Variants in LRRC4B observed in about 807,000 individuals in gnomAD.
LRRC4B encodes the protein leucine rich repeat containing 4B, also known as leucine-rich repeat-containing protein 4B.
LRRC4B carries 1 observed loss-of-function variant against 7.3 expected under a neutral mutation model. The ratio of observed to expected loss-of-function variants is 0.14; its 90% CI spans 0.05 to 0.65. LRRC4B has a LOEUF of 0.65. Ranked by LOEUF, LRRC4B falls within the 30% of genes least tolerant of loss-of-function variation. The pLI, the probability that LRRC4B is intolerant of heterozygous loss-of-function variation, is 0.84. For synonymous variants in LRRC4B, 500 were observed against 499.2 expected, an observed-to-expected ratio of 1.00 and a Z score of -0.02; for missense variants, 730 against 1,041.6, an observed-to-expected ratio of 0.70 and a Z score of 4.12.
chr19:50,547,255 G>A (rs937759852), intron 2 of LRRC4B, among the ~76,000 whole-genome samples: 1 of 152,162 alleles, frequency 6.6e-6, no homozygotes, highest in African/African-American at 2.4e-5. Flanking sequence ...GTGGTGATGT[G>A]ACGACGCCCC....
intron 1 of LRRC4B, chr19:50,557,905 G>A (rs1294030197): frequency 6.6e-6 from 1 of 152,110 alleles, no homozygotes; most frequent in Admixed American, 6.5e-5. Flanking sequence ...ACAATCAGGG[G>A]AGCCCGTTAC....
At chr19:50,551,833 A>G (rs531306106) in intron 1 of LRRC4B, among the ~76,000 whole-genome samples, 1 of 151,504 alleles carries the variant, frequency 6.6e-6, no homozygotes, top group South Asian at 2.1e-4. Flanking sequence ...ACGGCAGTGC[A>G]GAGCCAAGCT....
rs1481316240 is a variant in LRRC4B at position 50,553,253 on chromosome 19, A to G, written c.-35-4380T>C. Among the ~76,000 whole-genome samples the G allele has an allele frequency of 2.0e-5, 3 of 151,228 alleles. No homozygotes were observed. Among genetic ancestry groups the G allele is most frequent in the Non-Finnish European group, 4.4e-5 (3 of 67,836 alleles). ...CACCCCCACTCCCCGTGCGTTCCCC[A>G]CGGGCAGCGAGGGGTATCCTGTCAA... On this transcript the variant is annotated intron_variant, in intron 1 of 2. Coordinates refer to ENST00000652263, the MANE Select transcript of LRRC4B (RefSeq NM_001080457.2). This position sits in a 1 kb window ranked among gnomAD's most constrained non-coding sequence, Gnocchi z 4.2.
In LRRC4B at chr19:50,564,552, T is replaced by A. The variant is rs10415612; in HGVS notation, c.-36+3392A>T. Among the ~76,000 whole-genome samples the A allele has an allele frequency of 9.5e-3, 1,438 of 150,784 alleles. 25 individuals carry two copies. Among genetic ancestry groups the A allele is most frequent in the African/African-American group, 0.034 (1,382 of 41,012 alleles). On this transcript the variant is annotated intron_variant, in intron 1 of 2. Transcript: ENST00000652263. ...GGAGAGGGAAAGACTGATGAATGAG[T>A]CCACAGACTAGACGGATGGGCCAGG...
At position 50,518,298 on chromosome 19, in the gene LRRC4B, C is replaced by T; in HGVS notation, c.1415G>A (p.Gly472Glu). The part of the protein sequence containing the change: ...GGTGSGGGGP[G>E]GSGGVGGGSG... ...GCCCCCTCCAACACCACCACTGCCC[C>T]CAGGGCCGCCCCCGCCGCTGCCGGT... The change falls in exon 3 of 3, where the codon GGG (glycine) becomes GAG (glutamate). Residue 472 changes from glycine to glutamate, a missense_variant. Gly to Glu is a moderately conservative substitution (Grantham distance 98). Around this residue, in one of 6 missense-constraint regions of LRRC4B, gnomAD observed 192 missense variants for 228.6 expected, o/e 0.84. Transcript: ENST00000652263. 5 of 1,600,784 alleles carry T rather than the reference C, an allele frequency of 3.1e-6. No homozygotes were observed. The highest frequency in any genetic ancestry group is 4.3e-6 in the Non-Finnish European group (5 of 1,174,198).
At position 50,518,162 on chromosome 19, in the gene LRRC4B, C is replaced by T; in HGVS notation, c.1551G>A (p.Thr517=). ...GGCCCCCACCCCAGACACCGTCTGT[C>T]GTGGGCCCTGGCGGTTCCTTCTCCG... ...RGTEKEPPGP[T]TDGVWGGGRP... The change falls in exon 3 of 3, where the codon ACG becomes ACA. Residue 517 remains threonine (T), a synonymous_variant. Coordinates refer to ENST00000652263, the MANE Select transcript of LRRC4B (RefSeq NM_001080457.2). The T allele has an allele frequency of 6.2e-6, 10 of 1,606,590 alleles. No homozygotes were observed. Among genetic ancestry groups the T allele is most frequent in the Non-Finnish European group, 8.5e-6 (10 of 1,178,440 alleles).
chr19:50,565,816 G>A (rs1982610871), intron 1 of LRRC4B, among the ~76,000 whole-genome samples: 1 of 150,738 alleles, frequency 6.6e-6, no homozygotes, highest in African/African-American at 2.4e-5. Flanking sequence ...CTGGGTGGGA[G>A]TGGCGTGTGT....
intron 2 of LRRC4B, among the ~76,000 whole-genome samples, chr19:50,543,335 G>GGTGTGTGGGTGT (rs1981638538): frequency 6.9e-6 from 1 of 145,194 alleles, no homozygotes; most frequent in African/African-American, 2.6e-5. Context: ...GCCAGGCCCT[G>GGTGTGTGGGTGT]GTGTGTGTGT....
At chr19:50,564,198 C>T (rs1048893978) in intron 1 of LRRC4B, among the ~76,000 whole-genome samples, 1 of 152,120 alleles carries the variant, frequency 6.6e-6, no homozygotes, top group East Asian at 1.9e-4. Flanking sequence ...CACAGTTATC[C>T]AGGGGGAAGA....
intron 2 of LRRC4B, among the ~76,000 whole-genome samples, chr19:50,538,559 G>GTTT (rs71886675): frequency 1.2e-4 from 11 of 90,324 alleles, no homozygotes; most frequent in East Asian, 3.7e-4. Context: ...GTTTTGTCTT[G>GTTT]TTTTTTTTTT....
At chr19:50,565,252 G>A (rs957754797) in intron 1 of LRRC4B, among the ~76,000 whole-genome samples, 6 of 152,212 alleles carry the variant, frequency 3.9e-5, no homozygotes, top group Non-Finnish European at 8.8e-5. Context: ...TAGCTCTGGG[G>A]CCACCTCCGT....
rs138150493 is a variant in LRRC4B, at chr19:50,540,473, C to T, written c.297+8069G>A. On this transcript the variant is annotated intron_variant, in intron 2 of 2. Transcript: ENST00000652263. ...CGCCTCTCGGGTTCAAGTGATTCTC[C>T]TGCCTCCTGAGTATCTGGGATTACA... Among the ~76,000 whole-genome samples, 1,412 of 152,238 alleles carry T rather than the reference C, an allele frequency of 9.3e-3. 30 individuals are homozygous for T. Among genetic ancestry groups the T allele is most frequent in the African/African-American group, 0.032 (1,319 of 41,520 alleles).
Position 50,517,256 on chromosome 19 carries a change from C to A in LRRC4B, c.*315G>T. On this transcript the variant is annotated 3_prime_UTR_variant, in exon 3 of 3. Coordinates refer to ENST00000652263, the MANE Select transcript of LRRC4B (RefSeq NM_001080457.2). This position sits in a 1 kb window ranked among gnomAD's most constrained non-coding sequence, Gnocchi z 6.6. ...CTCTCTCCCCTGGAAGGCGGCGGGC[C>A]CGGAACGCTTGGTGGGAGAGCGAGG... 1 of 231,382 alleles carries A rather than the reference C, an allele frequency of 4.3e-6. No individual in the cohort carries two copies. The highest frequency in any genetic ancestry group is 2.2e-5 in the African/African-American group (1 of 44,458). 14.3% of individuals were successfully genotyped at this position (231,382 alleles called of 1,614,324 possible). A position where few individuals can be genotyped will look rare whatever the true frequency, so the allele number is the denominator to read the frequency against.
At chr19:50,547,472 C>A (rs1348235668) in intron 2 of LRRC4B, among the ~76,000 whole-genome samples, 1 of 151,872 alleles carries the variant, frequency 6.6e-6, no homozygotes, top group Non-Finnish European at 1.5e-5. Flanking sequence ...AAGATTAGAT[C>A]TGGAGGGGCT....
rs1366248860 is a variant in LRRC4B, at chr19:50,548,809, G to C, written c.30C>G (p.Pro10=). The C allele has an allele frequency of 6.6e-7, 1 of 1,507,036 alleles. No individual in the cohort carries two copies. Among genetic ancestry groups the C allele is most frequent in the Non-Finnish European group, 8.8e-7 (1 of 1,132,732 alleles). The allele number at this position is 1,507,036 out of a possible 1,614,324, so 93.4% of individuals were successfully genotyped here. A position where few individuals can be genotyped will look rare whatever the true frequency, so the allele number is the denominator to read the frequency against. The change falls in exon 2 of 3, where the codon CCC becomes CCG. Residue 10 remains proline, a synonymous_variant. Transcript: ENST00000652263. The surrounding 1 kb of genome is among the most constrained non-coding windows in gnomAD (Gnocchi z 6.8). MARARGSPC[P]PLPPGRMSWP... ...AGGACATCCTACCGGGCGGCAGCGG[G>C]GGGCACGGGGAGCCGCGGGCACGCG... is the stretch of plus-strand genomic sequence containing the variant.
At chr19:50,520,163 G>A (rs536031195) in intron 2 of LRRC4B, among the ~76,000 whole-genome samples, 8 of 117,450 alleles carry the variant, frequency 6.8e-5, no homozygotes, top group East Asian at 5.6e-4. Context: ...CCCTGATCAC[G>A]CCACTGCACT....
At chr19:50,523,803 C>A (rs1017596798) in intron 2 of LRRC4B, among the ~76,000 whole-genome samples, 4 of 151,606 alleles carry the variant, frequency 2.6e-5, no homozygotes, top group Non-Finnish European at 5.9e-5. Flanking sequence ...ACTAAAAATA[C>A]AAAAAATTAG....
chr19:50,521,238 AGT>A (rs1246217989), intron 2 of LRRC4B, among the ~76,000 whole-genome samples: 1 of 152,034 alleles, frequency 6.6e-6, no homozygotes, highest in Non-Finnish European at 1.5e-5. Flanking sequence ...GGGTGTTCTA[AGT>A]GTGCGTCTCT....
rs779378881 is a variant in LRRC4B at position 50,517,537 on chromosome 19, G to C, written c.*34C>G. The C allele has an allele frequency of 7.2e-7, 1 of 1,397,878 alleles. No individual in the cohort carries two copies. Among genetic ancestry groups the C allele is most frequent in the Admixed American group, 3.0e-5 (1 of 33,672 alleles). 86.6% of individuals were successfully genotyped at this position (1,397,878 alleles called of 1,614,324 possible). ...GCCCGGGCTGGGACCTGGGTGGGGG[G>C]CTCCACGCCCCTCGCCCGCCCGGCC... On this transcript the variant is annotated 3_prime_UTR_variant, in exon 3 of 3. Transcript: ENST00000652263. This position sits in a 1 kb window ranked among gnomAD's most constrained non-coding sequence, Gnocchi z 6.6.
Sources: allele counts gnomAD v4.1 joint callset (sites outside exome capture counted in the v4.1 genomes callset), GRCh38; gene constraint gnomAD v4.1.1; regional missense constraint gnomAD v4.1.1; non-coding constraint Gnocchi (gnomAD v3.1); transcripts MANE v1.5; gene names NCBI Gene and HGNC (gene_info 2026-07-23, HGNC 2026-07-21).